Variants in CARMIL1 observed in about 807,000 individuals in gnomAD.
CARMIL1 encodes F-actin-uncapping protein LRRC16A.
CARMIL1 carries 90 observed loss-of-function variants against 177.1 expected under a neutral mutation model. The observed-to-expected ratio is 0.51, with a 90% confidence interval of 0.43 to 0.61. The LOEUF (loss-of-function observed/expected upper bound fraction) is 0.61, where lower values mean the gene tolerates loss of function less well. Among genes scored for constraint, CARMIL1 ranks in the 20% least tolerant of loss-of-function variants. The pLI, the probability that CARMIL1 is intolerant of heterozygous loss-of-function variation, is 0.00. For missense variants in CARMIL1, 1,380 were observed against 1,667.0 expected, an observed-to-expected ratio of 0.83 and a Z score of 3.00; for synonymous variants, 577 against 606.2, an observed-to-expected ratio of 0.95 and a Z score of 0.71.
chr6:25,410,516 C>G (rs969978504), intron 2 of CARMIL1, among the ~76,000 whole-genome samples: 1 of 152,196 alleles, frequency 6.6e-6, no homozygotes, highest in Admixed American at 6.5e-5. Context: ...CTCCCTGGAG[C>G]CAGTGCTCGT....
chr6:25,550,777 G>A, intron 26 of CARMIL1, 133 bp from the exon 27 acceptor site: 2 of 738,204 alleles, frequency 2.7e-6, no homozygotes, highest in South Asian at 1.8e-5. Context: ...AGAATTCTTG[G>A]TTGCGCTCTG....
At chr6:25,294,942 G>A (rs1782273329) in intron 2 of CARMIL1, among the ~76,000 whole-genome samples, 1 of 152,196 alleles carries the variant, frequency 6.6e-6, no homozygotes, top group African/African-American at 2.4e-5. Flanking sequence ...TATGGAGCCT[G>A]TGGCATCACA....
In CARMIL1 at chr6:25,279,473, C is replaced by T; in HGVS notation, c.-323C>T. On this transcript the variant is annotated 5_prime_UTR_variant, in exon 1 of 37. Transcript: ENST00000329474. ...CCAAGCCCCGCCGGGGACCAGCGAGCCGGGAGGAGGAGCAGGCGCCACAGC... is the reference window on the plus strand; with the variant it reads ...CCAAGCCCCGCCGGGGACCAGCGAGTCGGGAGGAGGAGCAGGCGCCACAGC... The T allele has an allele frequency of 6.8e-6, 3 of 443,670 alleles. No homozygotes were observed. The highest frequency in any genetic ancestry group is 3.6e-5 in the Admixed American group (1 of 27,410). 27.5% of individuals were successfully genotyped at this position (443,670 alleles called of 1,614,324 possible).
At chr6:25,426,002 A>G (rs897729849) in intron 3 of CARMIL1, among the ~76,000 whole-genome samples, 4 of 152,194 alleles carry the variant, frequency 2.6e-5, no homozygotes, top group Non-Finnish European at 5.9e-5. Context: ...GGGAAAAACA[A>G]CATTGACTTT....
intron 15 of CARMIL1, among the ~76,000 whole-genome samples, chr6:25,492,882 A>G (rs919585813): frequency 6.6e-6 from 1 of 152,188 alleles, no homozygotes; most frequent in Non-Finnish European, 1.5e-5. Flanking sequence ...TATTACTTCA[A>G]TAGTGATTAA....
At chr6:25,471,345 T>A (rs78139186) in intron 10 of CARMIL1, 88 bp downstream of exon 10, 18 of 875,998 alleles carry the variant, frequency 2.1e-5, no homozygotes, top group Non-Finnish European at 2.9e-5. Context: ...TTTTTTTTTT[T>A]AATTGGGCTG....
intron 1 of CARMIL1, among the ~76,000 whole-genome samples, chr6:25,281,787 A>G (rs1243625442): frequency 3.9e-5 from 6 of 152,110 alleles, no homozygotes; most frequent in Admixed American, 1.3e-4. Flanking sequence ...ACCTCTATAT[A>G]TTCCCTTAAG....
At chr6:25,595,547 CAAG>C (rs1396925601) in intron 32 of CARMIL1, among the ~76,000 whole-genome samples, 1 of 152,116 alleles carries the variant, frequency 6.6e-6, no homozygotes, top group East Asian at 1.9e-4. Context: ...TGCTGTCTTT[CAAG>C]AACCAACCTA....
intron 22 of CARMIL1, among the ~76,000 whole-genome samples, chr6:25,518,454 C>A (rs760315980): frequency 4.6e-5 from 7 of 152,228 alleles, no homozygotes; most frequent in Non-Finnish European, 8.8e-5. Flanking sequence ...TACAAAATCA[C>A]AGAGACTCAT....
intron 32 of CARMIL1, among the ~76,000 whole-genome samples, chr6:25,597,703 C>T (rs1353736879): frequency 1.3e-5 from 2 of 152,156 alleles, no homozygotes; most frequent in Non-Finnish European, 2.9e-5. Flanking sequence ...ATTCCCTTCA[C>T]CTCGTCTCTG....
Position 25,555,693 on chromosome 6 carries a change from G to A in CARMIL1, c.2593-1008G>A, listed in dbSNP as rs1019033981. Among the ~76,000 whole-genome samples the A allele has an allele frequency of 5.3e-5, 8 of 152,074 alleles. No homozygotes were observed. In the South Asian group the frequency reaches 1.5e-3, roughly 28 times the overall value. On this transcript the variant is annotated intron_variant, in intron 28 of 36. Transcript: ENST00000329474. The stretch of plus-strand genomic sequence containing the variant: ...ATTACAGGTATAAGCCACTGCACCT[G>A]GCCTAGAGCATCCTTTTAAAATAAA...
At position 25,279,625 on chromosome 6, in the gene CARMIL1, T is replaced by G. The variant is rs1581423188; in HGVS notation, c.-171T>G. On this transcript the variant is annotated 5_prime_UTR_variant, in exon 1 of 37. Transcript: ENST00000329474. ...CATTTGCAACTCTTTTTTTTTTTTT[T>G]GGTGGGGCGGGGGGCGCGCGGCAAA... 1 of 579,152 alleles carries G rather than the reference T, an allele frequency of 1.7e-6. No homozygotes were observed. Among genetic ancestry groups the G allele is most frequent in the South Asian group, 2.2e-5 (1 of 44,628 alleles). 35.9% of individuals were successfully genotyped at this position (579,152 alleles called of 1,614,324 possible).
At position 25,507,299 on chromosome 6, in the gene CARMIL1, A is replaced by G. The variant is rs372438395; in HGVS notation, c.1396-2357A>G. ...TGTGACTTGAATGTTCTTGGTAACT[A>G]AAGCTTAGTTATTTTCTTATCTGAA... On this transcript the variant is annotated intron_variant, in intron 17 of 36. Transcript: ENST00000329474. Among the ~76,000 whole-genome samples, 5 of 152,306 alleles carry G rather than the reference A, an allele frequency of 3.3e-5. No homozygotes were observed. The East Asian group carries it at 9.6e-4, about 29-fold the overall frequency.
intron 4 of CARMIL1, among the ~76,000 whole-genome samples, chr6:25,430,849 T>G (rs1271741307): frequency 1.3e-5 from 2 of 152,230 alleles, no homozygotes; most frequent in African/African-American, 4.8e-5. Context: ...GTTTATTTTA[T>G]GTAAGTTGTT....
chr6:25,309,418 AT>A (rs1391414115), intron 2 of CARMIL1, among the ~76,000 whole-genome samples: 1 of 151,414 alleles, frequency 6.6e-6, no homozygotes, highest in Non-Finnish European at 1.5e-5. Flanking sequence ...AAAGTGTACA[AT>A]TCAGTGGCTA....
chr6:25,453,866 CGTTTTTTTTG>C (rs1799234154), intron 8 of CARMIL1, among the ~76,000 whole-genome samples: 1 of 151,986 alleles, frequency 6.6e-6, no homozygotes, highest in Non-Finnish European at 1.5e-5. Context: ...CAGCTTGAGG[CGTTTTTTTTG>C]GACTTACTTT....
intron 16 of CARMIL1, among the ~76,000 whole-genome samples, chr6:25,495,497 A>G (rs1202468324): frequency 6.6e-6 from 1 of 151,500 alleles, no homozygotes; most frequent in African/African-American, 2.4e-5. Context: ...TTGCTTTTAT[A>G]TTAACCTCTG....
intron 2 of CARMIL1, among the ~76,000 whole-genome samples, chr6:25,389,743 G>A (rs1468580500): frequency 2.0e-5 from 3 of 152,180 alleles, no homozygotes; most frequent in Admixed American, 2.0e-4. Context: ...CCGCAGCAAT[G>A]AAGATTTTGT....
chr6:25,382,541 G>T (rs1229365872), intron 2 of CARMIL1, among the ~76,000 whole-genome samples: 2 of 152,108 alleles, frequency 1.3e-5, no homozygotes, highest in African/African-American at 4.8e-5. Context: ...GTTGGCTGGG[G>T]GTGGCCAGCT....
Sources: allele counts gnomAD v4.1 joint callset (sites outside exome capture counted in the v4.1 genomes callset), GRCh38; gene constraint gnomAD v4.1.1; transcripts MANE v1.5; gene names NCBI Gene and HGNC (gene_info 2026-07-23, HGNC 2026-07-21).